Variants in CNTFR observed in about 807,000 individuals in gnomAD.
The protein encoded by CNTFR is ciliary neurotrophic factor receptor.
A neutral mutation model predicts 40.4 loss-of-function variants in CNTFR; 12 were observed. The ratio of observed to expected loss-of-function variants is 0.30; its 90% CI spans 0.19 to 0.48. CNTFR has a LOEUF of 0.48. Among genes scored for constraint, CNTFR ranks in the 20% least tolerant of loss-of-function variants. CNTFR has a pLI of 0.99. For missense variants in CNTFR, 414 were observed against 506.8 expected (o/e 0.82, Z 1.76); for synonymous variants, 202 against 209.6 (o/e 0.96, Z 0.31).
rs1458486381 is a variant in CNTFR at position 34,564,588 on chromosome 9, G to T, written c.319+11C>A. 6.3e-7 allele frequency: 1 copy of T among 1,599,114 alleles called. No individual in the cohort carries two copies. Among genetic ancestry groups the T allele is most frequent in the East Asian group, 2.3e-5 (1 of 44,160 alleles). On this transcript the variant is annotated intron_variant, in intron 4 of 9. Transcript: ENST00000378980. The stretch of plus-strand genomic sequence containing the variant: ...GAGGGAGGCTGGATGAGGGGTGGGG[G>T]CAACACTTACAGCCCACATGCAGCA...
At position 34,569,002 on chromosome 9, in the gene CNTFR, G is replaced by T. The variant is rs763996882; in HGVS notation, c.1-21C>A. 28 of 1,569,466 alleles carry T rather than the reference G, an allele frequency of 1.8e-5. No homozygotes were observed. The East Asian group carries it at 3.3e-4, about 18-fold the overall frequency. ...GCCATCTGTTGGGAGAAACCGGGGT[G>T]GGGGAGGGGTCAGCATCAGCCCAGG... On this transcript the variant is annotated intron_variant, in intron 2 of 9. Coordinates refer to ENST00000378980, the MANE Select transcript of CNTFR (RefSeq NM_147164.3).
In CNTFR at chr9:34,553,823, G is replaced by A. The variant is rs566738893; in HGVS notation, c.769-969C>T. The stretch of plus-strand genomic sequence containing the variant: ...GTGGCACCCGCTGCCTCATTAAGCC[G>A]CCTCGTAAACAGGGGCAGCCGGCAG... On this transcript the variant is annotated intron_variant, in intron 7 of 9. Coordinates refer to ENST00000378980, the MANE Select transcript of CNTFR (RefSeq NM_147164.3). 5.3e-5 allele frequency among the ~76,000 whole-genome samples: 8 copies of A among 152,322 alleles called. No individual in the cohort carries two copies. The South Asian group carries it at 1.5e-3, about 28-fold the overall frequency.
At chr9:34,587,699 T>G (rs958295936) in intron 1 of CNTFR, among the ~76,000 whole-genome samples, 3 of 152,186 alleles carry the variant, frequency 2.0e-5, no homozygotes, top group Admixed American at 6.5e-5. Flanking sequence ...CGAGTCTGAC[T>G]AACTCGGAGT....
chr9:34,568,703 AGCATTC>A (rs1374121532), intron 3 of CNTFR, among the ~76,000 whole-genome samples, 188 bp downstream of exon 3: 1 of 152,168 alleles, frequency 6.6e-6, no homozygotes, highest in African/African-American at 2.4e-5. Flanking sequence ...AGACACCGTC[AGCATTC>A]GACCACCCTA....
intron 3 of CNTFR, among the ~76,000 whole-genome samples, chr9:34,566,354 T>C (rs996951137): frequency 1.3e-5 from 2 of 152,122 alleles, no homozygotes; most frequent in Non-Finnish European, 2.9e-5. Flanking sequence ...TGACCACTCA[T>C]CTGTGGAGCC....
At chr9:34,586,223 C>T (rs1468822732) in intron 1 of CNTFR, among the ~76,000 whole-genome samples, 4 of 152,176 alleles carry the variant, frequency 2.6e-5, no homozygotes, top group Non-Finnish European at 5.9e-5. Flanking sequence ...GGCTACTGCT[C>T]TTTTGGGGAA....
chr9:34,586,103 C>T (rs933860249), intron 1 of CNTFR, among the ~76,000 whole-genome samples: 15 of 152,174 alleles, frequency 9.9e-5, no homozygotes, highest in Non-Finnish European at 2.2e-4. Context: ...GACAGCATAT[C>T]TCAGGCAGCC....
At chr9:34,579,073 G>T (rs554120175) in intron 2 of CNTFR, among the ~76,000 whole-genome samples, 2 of 152,176 alleles carry the variant, frequency 1.3e-5, no homozygotes, top group Non-Finnish European at 2.9e-5. Context: ...ACACGCACAC[G>T]CACACGTGCA....
At chr9:34,569,744 T>C (rs1427872473) in intron 2 of CNTFR, 1 of 152,252 alleles carries the variant, frequency 6.6e-6, no homozygotes, top group Non-Finnish European at 1.5e-5. Flanking sequence ...AGGATTTTAA[T>C]ATGTAAGTCC....
chr9:34,579,054 T>C (rs904476425), intron 2 of CNTFR, among the ~76,000 whole-genome samples: 4 of 152,112 alleles, frequency 2.6e-5, no homozygotes, highest in Admixed American at 2.0e-4. Flanking sequence ...CGTACACATA[T>C]ACATGAGCAC....
chr9:34,570,251 A>G (rs1826528235), intron 2 of CNTFR: 1 of 152,288 alleles, frequency 6.6e-6, no homozygotes, highest in Admixed American at 6.5e-5. Flanking sequence ...GATACACCAG[A>G]GACTGTTAGA....
chr9:34,566,904 G>A (rs574156060), intron 3 of CNTFR, among the ~76,000 whole-genome samples: 1 of 152,292 alleles, frequency 6.6e-6, no homozygotes, highest in Admixed American at 6.5e-5. Flanking sequence ...ATGACAGACC[G>A]ATGATGTAAA....
intron 2 of CNTFR, among the ~76,000 whole-genome samples, chr9:34,577,426 A>G (rs1415971219): frequency 6.6e-6 from 1 of 152,236 alleles, no homozygotes; most frequent in Non-Finnish European, 1.5e-5. Flanking sequence ...GCAGGGTGTA[A>G]GGAAACCAGG....
intron 1 of CNTFR, among the ~76,000 whole-genome samples, chr9:34,588,839 G>GGAGC (rs1339609773): frequency 6.6e-6 from 1 of 152,046 alleles, no homozygotes; most frequent in Non-Finnish European, 1.5e-5. Context: ...TACACTACTC[G>GGAGC]GAGCAACACA....
At chr9:34,576,062 C>T (rs1051897543) in intron 2 of CNTFR, among the ~76,000 whole-genome samples, 3 of 152,148 alleles carry the variant, frequency 2.0e-5, no homozygotes, top group Non-Finnish European at 2.9e-5. Context: ...CACTTCACCC[C>T]GAGACAGAGC....
At chr9:34,555,135 C>T (rs939956403) in intron 7 of CNTFR, among the ~76,000 whole-genome samples, 2 of 152,192 alleles carry the variant, frequency 1.3e-5, no homozygotes, top group Admixed American at 6.5e-5. Flanking sequence ...GCCTGTAGCT[C>T]GTTAGCGGGG....
At chr9:34,572,941 C>T (rs1826749714) in intron 2 of CNTFR, among the ~76,000 whole-genome samples, 1 of 152,198 alleles carries the variant, frequency 6.6e-6, no homozygotes, top group Admixed American at 6.5e-5. Context: ...AACACAGTGA[C>T]ACAGCAATGT....
chr9:34,571,632 GC>G (rs1826660429), intron 2 of CNTFR, among the ~76,000 whole-genome samples: 1 of 151,900 alleles, frequency 6.6e-6, no homozygotes, highest in South Asian at 2.1e-4. Flanking sequence ...CATCAAAGTC[GC>G]CTCCATCAGC....
chr9:34,559,444 G>A (rs904529032), intron 4 of CNTFR, among the ~76,000 whole-genome samples: 1 of 152,200 alleles, frequency 6.6e-6, no homozygotes, highest in African/African-American at 2.4e-5. Context: ...GGCCTGTCAG[G>A]GAAAGCGGGG....
Sources: allele counts gnomAD v4.1 joint callset (sites outside exome capture counted in the v4.1 genomes callset), GRCh38; gene constraint gnomAD v4.1.1; transcripts MANE v1.5; gene names NCBI Gene and HGNC (gene_info 2026-07-23, HGNC 2026-07-21).